The following SERGEF variants were observed in gnomAD, a reference collection of about 807,000 sequenced individuals.
The protein encoded by SERGEF is secretion regulating guanine nucleotide exchange factor.
A neutral mutation model predicts 50.0 loss-of-function variants in SERGEF; 51 were observed. That is an observed-to-expected ratio of 1.02 (90% confidence interval 0.81 to 1.29). The LOEUF is 1.29. Among genes scored for constraint, SERGEF ranks in the 50% most tolerant of loss-of-function variants. SERGEF has a pLI of 0.00. For missense variants in SERGEF, 521 were observed against 557.0 expected (o/e 0.94, Z 0.65); for synonymous variants, 205 against 212.4 (o/e 0.97, Z 0.30).
At chr11:17,927,378 C>A (rs377307232) in intron 9 of SERGEF, among the ~76,000 whole-genome samples, 1 of 152,186 alleles carries the variant, frequency 6.6e-6, no homozygotes, top group African/African-American at 2.4e-5. Flanking sequence ...GGGCTTCAGG[C>A]AAGTCTAGAC....
intron 10 of SERGEF, among the ~76,000 whole-genome samples, chr11:17,828,655 G>T (rs955041648): frequency 6.6e-6 from 1 of 152,210 alleles, no homozygotes; most frequent in Non-Finnish European, 1.5e-5. Context: ...GGTGGCCAAA[G>T]CCTAAGTTCC....
In SERGEF at chr11:17,886,470, G is replaced by A. The variant is rs12275138; in HGVS notation, c.1012-8226C>T. Among the ~76,000 whole-genome samples the A allele has an allele frequency of 8.8e-3, 1,345 of 152,094 alleles. 16 individuals are homozygous for A. The highest frequency in any genetic ancestry group is 0.031 in the African/African-American group (1,290 of 41,486). On this transcript the variant is annotated intron_variant, in intron 9 of 10. Transcript: ENST00000265965. ...ACAGAAAATACAACAAAATTAGCCC[G>A]GCGTGGTGAAGTGTGCCTGTAGTCC... is the stretch of plus-strand genomic sequence containing the variant.
chr11:17,990,519 A>C (rs980308455), intron 7 of SERGEF, among the ~76,000 whole-genome samples: 6 of 152,218 alleles, frequency 3.9e-5, no homozygotes, highest in Admixed American at 1.3e-4. Flanking sequence ...TGAGCTACAA[A>C]GATGCCACTG....
At chr11:17,819,807 T>C (rs1850043780) in intron 10 of SERGEF, among the ~76,000 whole-genome samples, 1 of 152,186 alleles carries the variant, frequency 6.6e-6, no homozygotes, top group African/African-American at 2.4e-5. Context: ...GGCAAAACTC[T>C]ACGATGGTAA....
At chr11:17,835,844 A>G (rs980719226) in intron 10 of SERGEF, among the ~76,000 whole-genome samples, 12 of 152,248 alleles carry the variant, frequency 7.9e-5, no homozygotes, top group Non-Finnish European at 1.6e-4. Context: ...GAAATGTTGT[A>G]AAGTAGTGCT....
chr11:17,907,105 A>G (rs1313384637), intron 9 of SERGEF, among the ~76,000 whole-genome samples: 3 of 148,016 alleles, frequency 2.0e-5, no homozygotes, highest in Non-Finnish European at 3.0e-5. Context: ...CTGGATTATC[A>G]TTAAAACATC....
intron 8 of SERGEF, among the ~76,000 whole-genome samples, chr11:17,973,514 T>A (rs1270562101): frequency 3.9e-5 from 6 of 152,112 alleles, no homozygotes; most frequent in Non-Finnish European, 8.8e-5. Flanking sequence ...TTGGCCCCAA[T>A]CTTTGGGTAA....
chr11:18,004,433 G>C lies in SERGEF; in HGVS notation c.447+8C>G, dbSNP rs1430623172. On this transcript the variant is annotated splice_region_variant and intron_variant, in intron 4 of 10. Coordinates refer to ENST00000265965, the MANE Select transcript of SERGEF (RefSeq NM_012139.4). ...GTCATGGGCAAGCTAAATATTAACT[G>C]TCCTCACCTCAATGGCCTGGGGAAC... The C allele has an allele frequency of 2.5e-6, 4 of 1,604,496 alleles. No homozygotes were observed. Among genetic ancestry groups the C allele is most frequent in the Non-Finnish European group, 3.4e-6 (4 of 1,171,676 alleles).
intron 9 of SERGEF, among the ~76,000 whole-genome samples, chr11:17,928,195 C>T (rs1166435646): frequency 6.6e-6 from 1 of 152,200 alleles, no homozygotes; most frequent in African/African-American, 2.4e-5. Context: ...AGGAGGTCAC[C>T]TCTGTAACCA....
At chr11:17,922,359 C>T (rs1328696593) in intron 9 of SERGEF, among the ~76,000 whole-genome samples, 2 of 152,150 alleles carry the variant, frequency 1.3e-5, no homozygotes, top group East Asian at 1.9e-4. Flanking sequence ...TACCAACAGA[C>T]AAGGGTCTTT....
intron 10 of SERGEF, among the ~76,000 whole-genome samples, chr11:17,867,483 A>G (rs370561469): frequency 7.4e-4 from 112 of 152,368 alleles, no homozygotes; most frequent in African/African-American, 2.4e-3. Context: ...TGCAGGGTAC[A>G]GCCTCCTTCC....
intron 9 of SERGEF, among the ~76,000 whole-genome samples, chr11:17,902,850 C>T (rs780569329): frequency 6.6e-6 from 1 of 152,176 alleles, no homozygotes; most frequent in Non-Finnish European, 1.5e-5. Context: ...GGGATATCTG[C>T]CTATCTACCA....
intron 10 of SERGEF, among the ~76,000 whole-genome samples, chr11:17,790,337 A>AT (rs35722641): frequency 0.11 from 15,165 of 144,042 alleles, 800 homozygotes; most frequent in African/African-American, 0.14. Flanking sequence ...TCATTCACAT[A>AT]TTTTTTTTTT....
intron 9 of SERGEF, chr11:17,926,889 A>T (rs1345907303): frequency 2.2e-6 from 1 of 455,984 alleles, no homozygotes; most frequent in South Asian, 1.6e-5. Context: ...TAGAATGAAA[A>T]GGTTACCCAC....
intron 9 of SERGEF, among the ~76,000 whole-genome samples, chr11:17,944,510 A>G (rs1256619260): frequency 6.6e-6 from 1 of 152,230 alleles, no homozygotes; most frequent in African/African-American, 2.4e-5. Context: ...AACCTGGAAC[A>G]GTTCCTCAGT....
intron 10 of SERGEF, among the ~76,000 whole-genome samples, chr11:17,832,823 A>C (rs1020600690): frequency 6.6e-6 from 1 of 152,220 alleles, no homozygotes; most frequent in Non-Finnish European, 1.5e-5. Flanking sequence ...GAGATTTGTG[A>C]AACTTTGGAA....
chr11:17,854,287 C>T (rs563269713), intron 10 of SERGEF, among the ~76,000 whole-genome samples: 3 of 152,274 alleles, frequency 2.0e-5, no homozygotes, highest in South Asian at 2.1e-4. Context: ...AGTTTTCATT[C>T]CAACCTTCTA....
intron 10 of SERGEF, among the ~76,000 whole-genome samples, chr11:17,811,323 A>C (rs1229839214): frequency 6.6e-6 from 1 of 152,250 alleles, no homozygotes; most frequent in Admixed American, 6.5e-5. Context: ...GGACGTAGCC[A>C]GGAGAGCAGC....
At chr11:17,928,614 C>T (rs550784627) in intron 9 of SERGEF, among the ~76,000 whole-genome samples, 278 of 152,072 alleles carry the variant, frequency 1.8e-3, no homozygotes, top group African/African-American at 6.3e-3. Context: ...AATGAATGAA[C>T]GAACCAACCA....
Sources: allele counts gnomAD v4.1 joint callset (sites outside exome capture counted in the v4.1 genomes callset), GRCh38; gene constraint gnomAD v4.1.1; transcripts MANE v1.5; gene names NCBI Gene and HGNC (gene_info 2026-07-23, HGNC 2026-07-21).